The following TULP4 variants were observed in gnomAD, a reference collection of about 807,000 sequenced individuals.
The protein encoded by TULP4 is tubby-related protein 4.
TULP4 carries 16 observed loss-of-function variants against 129.0 expected under a neutral mutation model. The observed-to-expected ratio is 0.12, with a 90% CI of 0.08 to 0.19. The LOEUF (loss-of-function observed/expected upper bound fraction) is 0.19. TULP4 is among the 10% of genes least tolerant of loss of function. The pLI is 1.00. For synonymous variants in TULP4, 998 were observed against 854.0 expected (o/e 1.17, Z -2.94); for missense variants, 1,842 against 2,059.1 (o/e 0.89, Z 2.04).
At chr6:158,488,854 G>A (rs559173038) in intron 8 of TULP4, among the ~76,000 whole-genome samples, 1 of 152,052 alleles carries the variant, frequency 6.6e-6, no homozygotes, top group Non-Finnish European at 1.5e-5. Flanking sequence ...GGTGGGGATG[G>A]GCAGCAAGGG....
upstream of TULP4, among the ~76,000 whole-genome samples, chr6:158,308,496 C>T (rs1475812940): frequency 5.6e-4 from 85 of 152,170 alleles, no homozygotes; most frequent in Non-Finnish European, 1.6e-4. Flanking sequence ...CATCATGGCC[C>T]GTTCTCAATG....
chr6:158,356,363 A>C (rs1053399785), intron 1 of TULP4, among the ~76,000 whole-genome samples: 8 of 152,186 alleles, frequency 5.3e-5, no homozygotes, highest in African/African-American at 1.9e-4. Context: ...AGTGACATGA[A>C]TCCAGGGAAG....
intron 1 of TULP4, among the ~76,000 whole-genome samples, chr6:158,349,270 C>T (rs1420204199): frequency 1.4e-5 from 2 of 138,306 alleles, no homozygotes; most frequent in Admixed American, 7.1e-5. Context: ...AGAGGCGCTC[C>T]TCACCTCCCA....
intron 1 of TULP4, among the ~76,000 whole-genome samples, chr6:158,244,858 A>T (rs1400973836): frequency 6.6e-6 from 1 of 152,122 alleles, no homozygotes; most frequent in Non-Finnish European, 1.5e-5. Context: ...ATAATAATAA[A>T]AAAACTAAAA....
At chr6:158,400,322 A>G (rs903580687) in intron 1 of TULP4, among the ~76,000 whole-genome samples, 3 of 152,220 alleles carry the variant, frequency 2.0e-5, no homozygotes, top group Non-Finnish European at 2.9e-5. Context: ...GTTATATACT[A>G]CTGTGCCAAT....
At chr6:158,463,245 A>T (rs546196567) in intron 6 of TULP4, among the ~76,000 whole-genome samples, 3 of 152,312 alleles carry the variant, frequency 2.0e-5, no homozygotes, top group African/African-American at 7.2e-5. Context: ...CATTTTAACT[A>T]AATTGTTGTT....
At chr6:158,241,847 C>T (rs1777924082) in intron 1 of TULP4, 3 of 634,276 alleles carry the variant, frequency 4.7e-6, no homozygotes, top group East Asian at 6.0e-5. Flanking sequence ...CCTGCCTCCG[C>T]CTCCCAAAGT....
chr6:158,418,399 CTTT>C (rs772179433), intron 2 of TULP4, among the ~76,000 whole-genome samples: 17 of 127,458 alleles, frequency 1.3e-4, no homozygotes, highest in African/African-American at 4.4e-4. Context: ...TGAGCCACCA[CTTT>C]TTTTTTTTTT....
Position 158,510,724 on chromosome 6 carries a change from T to G in TULP4, c.*4030T>G, listed in dbSNP as rs1409824983. The G allele has an allele frequency of 6.6e-6, 1 of 152,190 alleles. No individual in the cohort carries two copies. 9.4% of individuals were successfully genotyped at this position (152,190 alleles called of 1,614,324 possible). On this transcript the variant is annotated 3_prime_UTR_variant, in exon 14 of 14. Transcript: ENST00000367097. The stretch of plus-strand genomic sequence containing the variant: ...AGAAGGAGTCTCCACGGGTGTGCCC[T>G]GCTCAGCTGGATGTCCATGAGAACA...
At chr6:158,495,299 C>G (rs1176933134) in intron 11 of TULP4, among the ~76,000 whole-genome samples, 1 of 152,146 alleles carries the variant, frequency 6.6e-6, no homozygotes, top group Non-Finnish European at 1.5e-5. Context: ...GCAATTTGCC[C>G]ACCTCAACCT....
chr6:158,290,156 G>A (rs11752399), intron 1 of TULP4, among the ~76,000 whole-genome samples: 26,242 of 152,080 alleles, frequency 0.17, 2,699 homozygotes, highest in Middle Eastern at 0.24. Context: ...GGCTGATCTC[G>A]ATCTCCTGGG....
chr6:158,402,924 A>C (rs1429384458), intron 1 of TULP4, among the ~76,000 whole-genome samples: 5 of 129,160 alleles, frequency 3.9e-5, no homozygotes, highest in Admixed American at 1.7e-4. Context: ...TTATGTTGGG[A>C]GAATAACAAC....
chr6:158,389,378 G>A (rs1777534743), intron 1 of TULP4, among the ~76,000 whole-genome samples: 2 of 152,134 alleles, frequency 1.3e-5, no homozygotes, highest in South Asian at 4.2e-4. Flanking sequence ...CTTGAGCCTG[G>A]GAGGTGGATG....
At chr6:158,465,605 A>G (rs1303776968) in intron 6 of TULP4, among the ~76,000 whole-genome samples, 2 of 152,164 alleles carry the variant, frequency 1.3e-5, no homozygotes, top group African/African-American at 2.4e-5. Context: ...TAACAGAAAG[A>G]CTAAACTGTA....
intron 1 of TULP4, among the ~76,000 whole-genome samples, chr6:158,410,942 A>G (rs1187413335): frequency 6.6e-6 from 1 of 152,120 alleles, no homozygotes; most frequent in East Asian, 1.9e-4. Flanking sequence ...AAGATGTCCT[A>G]ATCGCGGTCC....
At chr6:158,273,003 G>A (rs756007458) in intron 1 of TULP4, among the ~76,000 whole-genome samples, 2 of 152,192 alleles carry the variant, frequency 1.3e-5, no homozygotes, top group African/African-American at 4.8e-5. Context: ...TGCCTTTGGC[G>A]AAAGTGAAGG....
chr6:158,250,260 C>T (rs1446547062), intron 1 of TULP4, among the ~76,000 whole-genome samples: 4 of 151,876 alleles, frequency 2.6e-5, no homozygotes, highest in Admixed American at 6.6e-5. Context: ...CGAGTTCAAG[C>T]GATTATTCTG....
Position 158,503,411 on chromosome 6 carries a change from T to C in TULP4, c.3748T>C (p.Cys1250Arg), listed in dbSNP as rs770056683. The change falls in exon 13 of 14, where the codon TGC becomes CGC. Residue 1250 changes from cysteine to arginine, a missense_variant. Coordinates refer to ENST00000367097, the MANE Select transcript of TULP4 (RefSeq NM_020245.5). This position sits in a 1 kb window ranked among gnomAD's most constrained non-coding sequence, Gnocchi z 4.3. Reference protein sequence around the residue: ...LPPMYPGSSTCSSLQLPPVAL... With the variant: ...LPPMYPGSSTRSSLQLPPVAL... ...CCCCATGTACCCAGGAAGCAGCACG[T>C]GCTCTAGTTTACAGCTGCCACCTGT... The C allele has an allele frequency of 5.0e-6, 8 of 1,613,722 alleles. No homozygotes were observed. The highest frequency in any genetic ancestry group is 3.3e-5 in the Admixed American group (2 of 59,978).
At chr6:158,480,617 CTCT>C (rs1166265962) in intron 7 of TULP4, among the ~76,000 whole-genome samples, 4 of 152,254 alleles carry the variant, frequency 2.6e-5, no homozygotes, top group Non-Finnish European at 4.4e-5. Flanking sequence ...TATTCTGTCT[CTCT>C]TCTTCTGAGT....
Sources: allele counts gnomAD v4.1 joint callset (sites outside exome capture counted in the v4.1 genomes callset), GRCh38; gene constraint gnomAD v4.1.1; non-coding constraint Gnocchi (gnomAD v3.1); transcripts MANE v1.5; gene names NCBI Gene and HGNC (gene_info 2026-07-23, HGNC 2026-07-21).